Variants in EPC1 observed in about 807,000 individuals in gnomAD.
The protein encoded by EPC1 is enhancer of polycomb homolog 1.
Under a neutral mutation model 98.4 loss-of-function variants are expected in EPC1, and 12 were observed. That is an observed-to-expected ratio of 0.12 (90% CI 0.08 to 0.20). The LOEUF (loss-of-function observed/expected upper bound fraction) is 0.20, where lower values mean the gene tolerates loss of function less well. Ranked by LOEUF, EPC1 falls within the 10% of genes least tolerant of loss-of-function variation. The pLI is 1.00. For missense variants in EPC1, 729 were observed against 990.5 expected (o/e 0.74, Z 3.54); for synonymous variants, 357 against 363.9 (o/e 0.98, Z 0.21).
At chr10:32,285,191 T>C (rs1836615046) in intron 9 of EPC1, 141 bp from the exon 10 acceptor site, 1 of 625,948 alleles carries the variant, frequency 1.6e-6, no homozygotes, top group Non-Finnish European at 2.6e-6. Context: ...ATTATTTTAG[T>C]GTTTGGTTTT....
At chr10:32,303,946 T>TA (rs1258845580) in intron 2 of EPC1, among the ~76,000 whole-genome samples, 1 of 152,254 alleles carries the variant, frequency 6.6e-6, no homozygotes, top group African/African-American at 2.4e-5. Flanking sequence ...CAACCTCCCA[T>TA]AGATACAGGG....
intron 1 of EPC1, among the ~76,000 whole-genome samples, chr10:32,325,515 C>A (rs1188701114): frequency 1.3e-5 from 2 of 152,268 alleles, no homozygotes; most frequent in South Asian, 4.1e-4. Context: ...AAAATTTTAT[C>A]TTTTCTTGTA....
rs770520611 is a variant in EPC1 at position 32,364,001 on chromosome 10, C to CCTTTTTTTTTTTTTTTTTTTTTTTTT, written c.3+14489_3+14490insAAAAAAAAAAAAAAAAAAAAAAAAAG. On this transcript the variant is annotated intron_variant, in intron 1 of 13. Transcript: ENST00000375110. ...AATAGTATCGTGTCCATCATGTTGG[C>CCTTTTTTTTTTTTTTTTTTTTTTTTT]ATTTTTTTTTTTTTTTTTTTTTTTT... 5.5e-4 allele frequency among the ~76,000 whole-genome samples: 34 copies of CCTTTTTTTTTTTTTTTTTTTTTTTTT among 61,840 alleles called. 16 individuals carry two copies. Among genetic ancestry groups the CCTTTTTTTTTTTTTTTTTTTTTTTTT allele is most frequent in the South Asian group, 1.3e-3 (2 of 1,550 alleles). 40.6% of individuals were successfully genotyped at this position (61,840 alleles called of 152,430 possible). A position where few individuals can be genotyped will look rare whatever the true frequency, so the allele number is the denominator to read the frequency against.
At chr10:32,364,002 A>T (rs9338636) in intron 1 of EPC1, among the ~76,000 whole-genome samples, 43,541 of 69,320 alleles carry the variant, frequency 0.63, 19,154 homozygotes, top group East Asian at 0.72. Flanking sequence ...TCATGTTGGC[A>T]TTTTTTTTTT....
intron 1 of EPC1, among the ~76,000 whole-genome samples, chr10:32,328,277 A>C (rs2132951436): frequency 6.6e-6 from 1 of 152,334 alleles, no homozygotes; most frequent in Middle Eastern, 3.4e-3. Flanking sequence ...AAATGCTCTG[A>C]GGAAAAGAAA....
At chr10:32,345,382 TAAAC>T (rs1838698196) in intron 1 of EPC1, 1 of 985,320 alleles carries the variant, frequency 1.0e-6, no homozygotes, top group African/African-American at 1.7e-5. Flanking sequence ...CCAAAGAGTT[TAAAC>T]AGTTTTATTT....
At chr10:32,362,459 G>T (rs776831341) in intron 1 of EPC1, among the ~76,000 whole-genome samples, 1 of 151,958 alleles carries the variant, frequency 6.6e-6, no homozygotes, top group Non-Finnish European at 1.5e-5. Flanking sequence ...GCACCTCCCC[G>T]CTCCCTGTCT....
intron 12 of EPC1, 39 bp from the exon 13 acceptor site, chr10:32,271,956 A>G (rs1163918454): frequency 6.2e-7 from 1 of 1,601,832 alleles, no homozygotes; most frequent in Non-Finnish European, 8.5e-7. Flanking sequence ...ACAATGTACA[A>G]CTTTGCTGTT....
chr10:32,334,051 C>T (rs1005539526), intron 1 of EPC1, among the ~76,000 whole-genome samples: 2 of 152,148 alleles, frequency 1.3e-5, no homozygotes, highest in East Asian at 1.9e-4. Context: ...TGGGGAAAGG[C>T]GACTGTGGAG....
intron 1 of EPC1, among the ~76,000 whole-genome samples, chr10:32,312,525 A>G (rs914855262): frequency 2.6e-5 from 4 of 152,166 alleles, no homozygotes; most frequent in African/African-American, 9.7e-5. Context: ...TTTTCATAGC[A>G]TGTACCATCC....
chr10:32,359,000 A>G (rs1435766736), intron 1 of EPC1, among the ~76,000 whole-genome samples: 1 of 152,202 alleles, frequency 6.6e-6, no homozygotes. Flanking sequence ...GAAGTCCTGC[A>G]GAAAAGAAAC....
chr10:32,273,013 C>A (rs185893155), intron 11 of EPC1, 150 bp downstream of exon 11: 2 of 1,613,040 alleles, frequency 1.2e-6, no homozygotes, highest in East Asian at 4.5e-5. Context: ...TCCATACTCA[C>A]CTGTAGTGTT....
intron 1 of EPC1, among the ~76,000 whole-genome samples, chr10:32,312,683 C>T (rs1349887647): frequency 2.6e-5 from 4 of 152,118 alleles, no homozygotes; most frequent in African/African-American, 7.2e-5. Context: ...TGGAACAAAG[C>T]GGAGTGCTTA....
intron 1 of EPC1, among the ~76,000 whole-genome samples, chr10:32,358,834 G>A (rs148289759): frequency 6.6e-6 from 1 of 152,068 alleles, no homozygotes; most frequent in Non-Finnish European, 1.5e-5. Flanking sequence ...CCAGATATTA[G>A]TTTAGCATTT....
intron 1 of EPC1, among the ~76,000 whole-genome samples, chr10:32,324,129 G>A (rs960183409): frequency 1.3e-5 from 2 of 151,898 alleles, no homozygotes; most frequent in East Asian, 3.9e-4. Flanking sequence ...AGTAAAAACA[G>A]GGTTTCACCA....
chr10:32,321,533 T>C (rs773046956), intron 1 of EPC1, among the ~76,000 whole-genome samples: 7 of 152,080 alleles, frequency 4.6e-5, no homozygotes, highest in Non-Finnish European at 7.4e-5. Flanking sequence ...CATTTAATTT[T>C]TGAGGTTCAG....
chr10:32,331,840 C>T (rs1299674688), intron 1 of EPC1, among the ~76,000 whole-genome samples: 9 of 152,194 alleles, frequency 5.9e-5, no homozygotes, highest in African/African-American at 2.2e-4. Context: ...CTAAGCACAG[C>T]ATTTCACAAA....
intron 1 of EPC1, chr10:32,346,555 A>G: frequency 1.7e-6 from 1 of 573,258 alleles, no homozygotes; most frequent in South Asian, 2.0e-5. Context: ...GGCCAGGGTC[A>G]GCGGGTGGCC....
intron 13 of EPC1, among the ~76,000 whole-genome samples, chr10:32,270,467 A>T (rs1391696714): frequency 6.6e-6 from 1 of 152,226 alleles, no homozygotes; most frequent in Non-Finnish European, 1.5e-5. Flanking sequence ...GCAAGTTAGC[A>T]CAAAAAATAA....
Sources: gnomAD v4.1 joint callset for allele counts (sites outside exome capture counted in the v4.1 genomes callset) on GRCh38, gnomAD v4.1.1 for gene constraint, MANE v1.5 for transcripts, NCBI Gene and HGNC (gene_info 2026-07-23, HGNC 2026-07-21) for gene names.